MYO9A: variants seen among roughly 807,000 people sequenced by gnomAD.
MYO9A encodes the protein unconventional myosin-IXa.
Under a neutral mutation model 293.3 loss-of-function variants are expected in MYO9A, and 103 were observed. That is an observed-to-expected ratio of 0.35 (90% CI 0.30 to 0.41). The LOEUF is 0.41. Ranked by LOEUF, MYO9A falls within the 10% of genes least tolerant of loss-of-function variation. The pLI, the probability that MYO9A is intolerant of heterozygous loss-of-function variation, is 1.00. For missense variants in MYO9A, 2,685 were observed against 3,033.0 expected, an observed-to-expected ratio of 0.89 and a Z score of 2.69; for synonymous variants, 1,001 against 1,035.7, an observed-to-expected ratio of 0.97 and a Z score of 0.64.
chr15:71,896,846 A>AGTAGAAT (rs1420836820), intron 25 of MYO9A: 1 of 152,146 alleles, frequency 6.6e-6, no homozygotes, highest in Non-Finnish European at 1.5e-5. Flanking sequence ...GGAAACAGAA[A>AGTAGAAT]GTAGAATGAT....
intron 4 of MYO9A, among the ~76,000 whole-genome samples, chr15:72,024,805 G>A (rs2077612580): frequency 6.6e-6 from 1 of 151,620 alleles, no homozygotes; most frequent in South Asian, 2.1e-4. Flanking sequence ...AATGCCCAAG[G>A]TAACCAATAA....
Position 72,020,956 on chromosome 15 carries a change from G to A in MYO9A, c.1060C>T (p.His354Tyr), listed in dbSNP as rs201811051. 2.1e-5 allele frequency: 33 copies of A among 1,547,664 alleles called. No homozygotes were observed. The highest frequency in any genetic ancestry group is 2.5e-5 in the Non-Finnish European group (29 of 1,155,810). ...GASEDERSAF[H>Y]LKQPEEYHYL... is the part of the protein sequence containing the mutation. ...TGATATTCCTCTGGTTGCTTAAGATGGAATGCTGATCTCTCATCTTCACTT... is the reference window on the plus strand; with the variant it reads ...TGATATTCCTCTGGTTGCTTAAGATAGAATGCTGATCTCTCATCTTCACTT... Residue 354 changes from histidine (H) to tyrosine (Y), a missense_variant, in exon 5 of 42, where the codon CAT (histidine) becomes TAT (tyrosine). By Grantham distance (83) the His-to-Tyr change is moderately conservative. Around this residue, in one of 10 missense-constraint regions of MYO9A, gnomAD observed 289 missense variants for 456.8 expected, o/e 0.63. Coordinates refer to ENST00000356056, the MANE Select transcript of MYO9A (RefSeq NM_006901.4).
chr15:71,987,335 GTTCAA>G (rs554135232), intron 11 of MYO9A, among the ~76,000 whole-genome samples: 153 of 152,272 alleles, frequency 1.0e-3, no homozygotes, highest in Non-Finnish European at 1.5e-3. Flanking sequence ...CTGCTCTTCA[GTTCAA>G]TTCAAGTCCT....
chr15:71,886,921 T>C (rs1047986673), intron 27 of MYO9A, among the ~76,000 whole-genome samples: 1 of 152,138 alleles, frequency 6.6e-6, no homozygotes, highest in African/African-American at 2.4e-5. Context: ...ATTATACCTC[T>C]ACAGTCAGCG....
intron 18 of MYO9A, among the ~76,000 whole-genome samples, chr15:71,930,037 G>T (rs1446942381): frequency 6.6e-6 from 1 of 152,160 alleles, no homozygotes; most frequent in Non-Finnish European, 1.5e-5. Context: ...ATGTTTGGTA[G>T]TGTTGCATCA....
At chr15:72,038,474 T>G (rs949603873) in intron 2 of MYO9A, among the ~76,000 whole-genome samples, 9 of 152,084 alleles carry the variant, frequency 5.9e-5, no homozygotes, top group African/African-American at 2.2e-4. Flanking sequence ...AAGAATTAAA[T>G]TATAAATCAA....
chr15:72,110,920 G>T (rs1463117257), intron 1 of MYO9A, among the ~76,000 whole-genome samples: 1 of 152,170 alleles, frequency 6.6e-6, no homozygotes. Flanking sequence ...AGCACTTTGG[G>T]AGGCCGAAGC....
intron 25 of MYO9A, 84 bp downstream of exon 25, chr15:71,897,377 C>T: frequency 1.4e-6 from 2 of 1,396,428 alleles, no homozygotes; most frequent in Non-Finnish European, 1.9e-6. Context: ...CCACTTTACA[C>T]AAATAGTTGG....
chr15:71,858,065 T>G (rs2055937161), intron 34 of MYO9A, among the ~76,000 whole-genome samples: 2 of 152,304 alleles, frequency 1.3e-5, no homozygotes, highest in Non-Finnish European at 2.9e-5. Flanking sequence ...AGATACCATC[T>G]CATACCAGCT....
At chr15:71,860,651 A>G (rs2056079611) in intron 33 of MYO9A, among the ~76,000 whole-genome samples, 1 of 152,038 alleles carries the variant, frequency 6.6e-6, no homozygotes, top group African/African-American at 2.4e-5. Flanking sequence ...ACAACAAAGA[A>G]AGTTAGCTAA....
intron 1 of MYO9A, among the ~76,000 whole-genome samples, chr15:72,051,639 T>C (rs888270634): frequency 6.6e-6 from 1 of 152,128 alleles, no homozygotes; most frequent in Non-Finnish European, 1.5e-5. Context: ...AGAGAAAGGT[T>C]GGGTCCGAGA....
chr15:71,993,534 C>A (rs964533816), intron 10 of MYO9A, among the ~76,000 whole-genome samples: 6 of 152,074 alleles, frequency 3.9e-5, no homozygotes, highest in African/African-American at 1.4e-4. Context: ...AAACCATTCC[C>A]CTTATCAGAT....
intron 15 of MYO9A, among the ~76,000 whole-genome samples, chr15:71,944,931 T>A (rs1337672798): frequency 6.6e-6 from 1 of 152,166 alleles, no homozygotes; most frequent in Non-Finnish European, 1.5e-5. Flanking sequence ...GAGAGCTGCA[T>A]CTCAAAAATA....
chr15:72,008,029 G>T, intron 7 of MYO9A, 77 bp from the exon 8 acceptor site: 1 of 1,494,202 alleles, frequency 6.7e-7, no homozygotes, highest in Non-Finnish European at 9.0e-7. Flanking sequence ...TTCTAGTTAA[G>T]CAAATTAACC....
intron 1 of MYO9A, among the ~76,000 whole-genome samples, chr15:72,090,992 AT>A (rs1345259173): frequency 6.8e-6 from 1 of 147,518 alleles, no homozygotes; most frequent in Non-Finnish European, 1.5e-5. Flanking sequence ...AAATAAATAA[AT>A]AAAAAATAAA....
At chr15:72,092,942 C>CACACAG (rs3220248) in intron 1 of MYO9A, among the ~76,000 whole-genome samples, 7 of 150,692 alleles carry the variant, frequency 4.6e-5, no homozygotes, top group African/African-American at 1.5e-4. Context: ...CACACACACA[C>CACACAG]AGAGATTTGA....
intron 1 of MYO9A, among the ~76,000 whole-genome samples, chr15:72,110,171 C>T (rs1481634782): frequency 1.3e-5 from 2 of 151,796 alleles, no homozygotes; most frequent in East Asian, 3.9e-4. Flanking sequence ...TGTGGTGGCT[C>T]ACACCTGTAA....
chr15:72,017,239 C>CAAGACTAGCTCAAG (rs1483882549), intron 6 of MYO9A, among the ~76,000 whole-genome samples: 17 of 151,908 alleles, frequency 1.1e-4, no homozygotes, highest in African/African-American at 3.9e-4. Flanking sequence ...GTCTCAAACT[C>CAAGACTAGCTCAAG]CCAGTCTCAA....
Position 71,935,346 on chromosome 15 carries a change from A to T in MYO9A, c.2517T>A (p.Ile839=), listed in dbSNP as rs1159755373. 1 of 1,613,204 alleles carries T rather than the reference A, an allele frequency of 6.2e-7. No individual in the cohort carries two copies. The highest frequency in any genetic ancestry group is 1.7e-5 in the Admixed American group (1 of 59,948). The change falls in exon 17 of 42, where the codon ATT becomes ATA. Residue 839 remains isoleucine, a synonymous_variant. Coordinates refer to ENST00000356056, the MANE Select transcript of MYO9A (RefSeq NM_006901.4). ...SSKLLERAHG[I]LTRNKNFKSK... ...CATTACTGATTAGTACTGACGTGAGAATTCCATGGGCTCTCTCCAGGAGTT... is the reference window on the plus strand; with the variant it reads ...CATTACTGATTAGTACTGACGTGAGTATTCCATGGGCTCTCTCCAGGAGTT...
Sources: gnomAD v4.1 joint callset for allele counts (sites outside exome capture counted in the v4.1 genomes callset) on GRCh38, gnomAD v4.1.1 for gene constraint, gnomAD v4.1.1 regional missense constraint, MANE v1.5 for transcripts, NCBI Gene and HGNC (gene_info 2026-07-23, HGNC 2026-07-21) for gene names.